Variants in HCN1 observed in about 807,000 individuals in gnomAD.
HCN1 encodes the protein potassium/sodium hyperpolarization-activated cyclic nucleotide-gated channel 1.
Under a neutral mutation model 78.9 loss-of-function variants are expected in HCN1, and 13 were observed. That is an observed-to-expected ratio of 0.16 (90% CI 0.11 to 0.26). The LOEUF (loss-of-function observed/expected upper bound fraction) is 0.26, where lower values mean the gene tolerates loss of function less well. Ranked by LOEUF, HCN1 falls within the 10% of genes least tolerant of loss-of-function variation. The pLI is 1.00. For synonymous variants in HCN1, 552 were observed against 455.5 expected (o/e 1.21, Z -2.70); for missense variants, 810 against 1,154.3 (o/e 0.70, Z 4.32).
At chr5:45,684,754 C>G (rs911935957) in intron 1 of HCN1, among the ~76,000 whole-genome samples, 2 of 152,116 alleles carry the variant, frequency 1.3e-5, no homozygotes, top group African/African-American at 2.4e-5. Flanking sequence ...TCCAGTTACT[C>G]TGGAAGCTGA....
At chr5:45,462,519 G>A (rs986520732) in intron 2 of HCN1, among the ~76,000 whole-genome samples, 3 of 152,034 alleles carry the variant, frequency 2.0e-5, no homozygotes, top group Non-Finnish European at 4.4e-5. Context: ...TATGTGAGTG[G>A]AGATATTTAA....
intron 2 of HCN1, among the ~76,000 whole-genome samples, chr5:45,600,106 T>C (rs1307119620): frequency 6.6e-6 from 1 of 152,064 alleles, no homozygotes; most frequent in African/African-American, 2.4e-5. Flanking sequence ...TTTTCCTGAC[T>C]TGCTCTATAA....
At chr5:45,306,007 A>G (rs546192896) in intron 5 of HCN1, among the ~76,000 whole-genome samples, 15 of 152,096 alleles carry the variant, frequency 9.9e-5, no homozygotes, top group South Asian at 2.1e-4. Context: ...TTCTGTATTA[A>G]AAAATTTGTT....
intron 1 of HCN1, among the ~76,000 whole-genome samples, chr5:45,679,514 G>C (rs931004089): frequency 6.6e-6 from 1 of 151,728 alleles, no homozygotes; most frequent in Non-Finnish European, 1.5e-5. Flanking sequence ...ACTTATTTTG[G>C]GTATTTAAAA....
chr5:45,274,379 C>A (rs538744440), intron 6 of HCN1, among the ~76,000 whole-genome samples: 26 of 152,216 alleles, frequency 1.7e-4, no homozygotes, highest in African/African-American at 6.3e-4. Flanking sequence ...TTAGAGTGAT[C>A]ACGTGGGCCT....
chr5:45,269,424 CAT>C (rs1343629237), intron 6 of HCN1, among the ~76,000 whole-genome samples: 1 of 151,946 alleles, frequency 6.6e-6, no homozygotes, highest in East Asian at 1.9e-4. Context: ...ACTCTGGAAA[CAT>C]TGTTTTGTCT....
chr5:45,695,983 C>T lies in HCN1; in HGVS notation c.111G>A (p.Lys37=). ...CGCCCCCCGGCGGGGTGCCCAGGCG[C>T]TTCTCGGCCGCGGCCGGCCCCGCGC... The part of the protein sequence containing the change: ...ATGAGPAAAE[K]RLGTPPGGGG... The change falls in exon 1 of 8, where the codon AAG becomes AAA. Residue 37 remains lysine, a synonymous_variant. Coordinates refer to ENST00000303230, the MANE Select transcript of HCN1 (RefSeq NM_021072.4). The T allele has an allele frequency of 1.5e-6, 2 of 1,306,932 alleles. No homozygotes were observed. The highest frequency in any genetic ancestry group is 1.9e-6 in the Non-Finnish European group (2 of 1,028,578). The allele number at this position is 1,306,932 out of a possible 1,614,324, so 81.0% of individuals were successfully genotyped here.
In HCN1 at chr5:45,466,606, T is replaced by C. The variant is rs368355571; in HGVS notation, c.850-4599A>G. Among the ~76,000 whole-genome samples, 266 of 152,110 alleles carry C rather than the reference T, an allele frequency of 1.7e-3. 1 individual carries two copies. Among genetic ancestry groups the C allele is most frequent in the African/African-American group, 6.2e-3 (257 of 41,412 alleles). ...TTTGTTATATTTTTTAGATGGAGTG[T>C]ATACATACCATCCTGACACAAAATT... On this transcript the variant is annotated intron_variant, in intron 2 of 7. Transcript: ENST00000303230.
intron 2 of HCN1, among the ~76,000 whole-genome samples, chr5:45,628,805 CTTCTAA>C (rs1326552877): frequency 2.0e-5 from 3 of 151,720 alleles, no homozygotes; most frequent in Non-Finnish European, 4.4e-5. Flanking sequence ...AACCCTGTCT[CTTCTAA>C]AACTACAAAA....
At chr5:45,404,546 TAG>T (rs1181695118) in intron 3 of HCN1, among the ~76,000 whole-genome samples, 1 of 151,466 alleles carries the variant, frequency 6.6e-6, no homozygotes, top group Admixed American at 6.6e-5. Context: ...AATGGGAACA[TAG>T]TAAGTACCTT....
chr5:45,410,638 G>C (rs959010609), intron 3 of HCN1, among the ~76,000 whole-genome samples: 2 of 152,006 alleles, frequency 1.3e-5, no homozygotes, highest in African/African-American at 2.4e-5. Flanking sequence ...ACTTTAAATT[G>C]CAAACAAATA....
At chr5:45,329,601 G>T (rs1746305034) in intron 5 of HCN1, among the ~76,000 whole-genome samples, 1 of 151,410 alleles carries the variant, frequency 6.6e-6, no homozygotes. Context: ...AGAAGTTTAT[G>T]AAACAAATGA....
At chr5:45,355,168 T>G (rs1320921601) in intron 4 of HCN1, among the ~76,000 whole-genome samples, 1 of 152,074 alleles carries the variant, frequency 6.6e-6, no homozygotes, top group Non-Finnish European at 1.5e-5. Flanking sequence ...GATCTTCCTT[T>G]TACTTTCAAA....
intron 5 of HCN1, among the ~76,000 whole-genome samples, chr5:45,323,129 A>T (rs185375566): frequency 1.3e-5 from 2 of 151,952 alleles, no homozygotes; most frequent in Admixed American, 1.3e-4. Flanking sequence ...TCAATTGTAA[A>T]CTGTATGAAA....
At chr5:45,403,805 T>C (rs1739869356) in intron 3 of HCN1, among the ~76,000 whole-genome samples, 1 of 152,198 alleles carries the variant, frequency 6.6e-6, no homozygotes, top group Non-Finnish European at 1.5e-5. Flanking sequence ...TTCTAAACTG[T>C]TCAAAGCACC....
At chr5:45,474,000 T>C (rs1269084744) in intron 2 of HCN1, among the ~76,000 whole-genome samples, 1 of 151,908 alleles carries the variant, frequency 6.6e-6, no homozygotes, top group Admixed American at 6.6e-5. Context: ...TGCAAGTTTC[T>C]TTCTTGCTTC....
chr5:45,520,121 G>T (rs1159167866), intron 2 of HCN1, among the ~76,000 whole-genome samples: 3 of 151,930 alleles, frequency 2.0e-5, no homozygotes, highest in African/African-American at 7.2e-5. Context: ...TGTGTGCTTA[G>T]GTTGGTCCAT....
intron 4 of HCN1, among the ~76,000 whole-genome samples, chr5:45,381,681 T>A (rs1450729924): frequency 6.6e-6 from 1 of 151,876 alleles, no homozygotes; most frequent in Admixed American, 6.6e-5. Flanking sequence ...TCCTGCCACT[T>A]CTCCTGCCTG....
In HCN1 at chr5:45,377,078, A is replaced by G. The variant is rs1016836427; in HGVS notation, c.1230+19414T>C. ...TAGCTCTACTGTACTAGGCAGAACTAGAGAAAATGGTGGAAGTTATAGAGA... is the reference window on the plus strand; with the variant it reads ...TAGCTCTACTGTACTAGGCAGAACTGGAGAAAATGGTGGAAGTTATAGAGA... On this transcript the variant is annotated intron_variant, in intron 4 of 7. Coordinates refer to ENST00000303230, the MANE Select transcript of HCN1 (RefSeq NM_021072.4). Among the ~76,000 whole-genome samples, 3 of 152,160 alleles carry G rather than the reference A, an allele frequency of 2.0e-5. No homozygotes were observed. The Admixed American group carries it at 2.0e-4, about 10-fold the overall frequency.
Sources: gnomAD v4.1 joint callset for allele counts (sites outside exome capture counted in the v4.1 genomes callset) on GRCh38, gnomAD v4.1.1 for gene constraint, MANE v1.5 for transcripts, NCBI Gene and HGNC (gene_info 2026-07-23, HGNC 2026-07-21) for gene names.